Variants in ZNF660 observed in about 807,000 individuals in gnomAD.
ZNF660 encodes zinc finger protein 660.
A neutral mutation model predicts 23.2 loss-of-function variants in ZNF660; 24 were observed. That is an observed-to-expected ratio of 1.04 (90% CI 0.75 to 1.46). The LOEUF is 1.46. Among genes scored for constraint, ZNF660 ranks in the 40% most tolerant of loss-of-function variants. The probability of loss-of-function intolerance (pLI) is 0.00; values close to 1 mark genes in which losing one functional copy is unlikely to be tolerated. For synonymous variants in ZNF660, 117 were observed against 131.4 expected, an observed-to-expected ratio of 0.89 and a Z score of 0.75; for missense variants, 373 against 396.8, an observed-to-expected ratio of 0.94 and a Z score of 0.51.
At chr3:44,588,725 C>T (rs1466648410) in intron 2 of ZNF660, among the ~76,000 whole-genome samples, 1 of 152,148 alleles carries the variant, frequency 6.6e-6, no homozygotes, top group Non-Finnish European at 1.5e-5. Context: ...CCCACCTCAC[C>T]CTACCAAAGT....
Position 44,594,249 on chromosome 3 carries a change from T to C in ZNF660, c.56T>C (p.Leu19Pro). The change falls in exon 3 of 3, where the codon CTC (leucine) becomes CCC (proline). Residue 19 changes from leucine (L) to proline (P), a missense_variant. Leu to Pro is a moderately conservative substitution (Grantham distance 98). Transcript: ENST00000322734. The part of the protein sequence containing the change: ...KHKTVKDNKV[L>P]TEGSDQESEK... ...AAGACAGTTAAAGACAATAAAGTAC[T>C]CACAGAAGGGAGTGACCAAGAATCT... is the stretch of plus-strand genomic sequence containing the variant. The C allele has an allele frequency of 1.2e-6, 2 of 1,613,826 alleles. No individual in the cohort carries two copies. The highest frequency in any genetic ancestry group is 1.7e-6 in the Non-Finnish European group (2 of 1,180,016).
Position 44,599,106 on chromosome 3 carries a change from T to G in ZNF660, c.*3917T>G, listed in dbSNP as rs1234699649. On this transcript the variant is annotated 3_prime_UTR_variant, in exon 3 of 3. Transcript: ENST00000322734. ...TTGCTCATTCTTGTTATTTGGTTTCTTGTCTACTCACATTTATTCACTTAC... is the reference window on the plus strand; with the variant it reads ...TTGCTCATTCTTGTTATTTGGTTTCGTGTCTACTCACATTTATTCACTTAC... 3 of 152,222 alleles carry G rather than the reference T, an allele frequency of 2.0e-5. No homozygotes were observed. Among genetic ancestry groups the G allele is most frequent in the Non-Finnish European group, 4.4e-5 (3 of 68,042 alleles). The allele number at this position is 152,222 out of a possible 1,614,324, so 9.4% of individuals were successfully genotyped here. A position where few individuals can be genotyped will look rare whatever the true frequency, so the allele number is the denominator to read the frequency against.
In ZNF660 at chr3:44,594,334, G is replaced by C. The variant is rs1210096422; in HGVS notation, c.141G>C (p.Lys47Asn). 3.7e-6 allele frequency: 6 copies of C among 1,614,104 alleles called. No homozygotes were observed. The highest frequency in any genetic ancestry group is 1.3e-5 in the African/African-American group (1 of 74,954). Reference protein sequence around the residue: ...PATNERVQAEKRQYVCTECGK... With the variant: ...PATNERVQAENRQYVCTECGK... ...CAAATGAGAGAGTTCAGGCTGAAAA[G>C]AGACAGTATGTATGTACTGAGTGTG... The change falls in exon 3 of 3, where the codon AAG becomes AAC. Residue 47 changes from lysine to asparagine, a missense_variant. By Grantham distance (94) the Lys-to-Asn change is moderately conservative. Transcript: ENST00000322734.
rs1490641404 is a variant in ZNF660 at position 44,594,323 on chromosome 3, C to T, written c.130C>T (p.Gln44Ter). ...CCDPATNERVQAEKRQYVCTE... is the reference protein window; with the variant it reads ...CCDPATNERV Reference sequence around the variant, plus strand: ...TGACCCTGCAACAAATGAGAGAGTTCAGGCTGAAAAGAGACAGTATGTATG... The same window carrying T: ...TGACCCTGCAACAAATGAGAGAGTTTAGGCTGAAAAGAGACAGTATGTATG... Residue 44 changes from glutamine (Q) to a stop codon, truncating the protein, a stop_gained, in exon 3 of 3, where the codon CAG becomes TAG. Coordinates refer to ENST00000322734, the MANE Select transcript of ZNF660 (RefSeq NM_173658.4). LOFTEE classifies it high-confidence loss of function. The T allele has an allele frequency of 6.2e-7, 1 of 1,614,154 alleles. No individual in the cohort carries two copies. Among genetic ancestry groups the T allele is most frequent in the Non-Finnish European group, 8.5e-7 (1 of 1,180,042 alleles).
rs1471613766 is a variant in ZNF660, at chr3:44,596,559, T to C, written c.*1370T>C. On this transcript the variant is annotated 3_prime_UTR_variant, in exon 3 of 3. Transcript: ENST00000322734. ...ATTGATTGATTGCTTAAGGGGAATCTAGAGGTAAGCAGTGCTATGTTTGGT... is the reference window on the plus strand; with the variant it reads ...ATTGATTGATTGCTTAAGGGGAATCCAGAGGTAAGCAGTGCTATGTTTGGT... 6.6e-6 allele frequency: 1 copy of C among 152,228 alleles called. No homozygotes were observed. The highest frequency in any genetic ancestry group is 1.9e-4 in the East Asian group (1 of 5,202). 9.4% of individuals were successfully genotyped at this position (152,228 alleles called of 1,614,324 possible).
Position 44,594,116 on chromosome 3 carries a change from G to A in ZNF660, c.-78G>A, listed in dbSNP as rs548087844. ...AGAATTCCACAGAGACATTGCCCAG[G>A]AAGTCAAAATTTAGAAGGCTCCTCT... On this transcript the variant is annotated 5_prime_UTR_variant, in exon 3 of 3. Coordinates refer to ENST00000322734, the MANE Select transcript of ZNF660 (RefSeq NM_173658.4). The A allele has an allele frequency of 6.4e-7, 1 of 1,566,820 alleles. No individual in the cohort carries two copies. The highest frequency in any genetic ancestry group is 2.2e-5 in the East Asian group (1 of 44,496).
Position 44,594,311 on chromosome 3 carries a change from A to G in ZNF660, c.118A>G (p.Asn40Asp), listed in dbSNP as rs1700534356. The G allele has an allele frequency of 1.2e-6, 2 of 1,614,066 alleles. No individual in the cohort carries two copies. The highest frequency in any genetic ancestry group is 2.7e-5 in the African/African-American group (2 of 74,938). ...TAGTCAGTGCTGTGACCCTGCAACA[A>G]ATGAGAGAGTTCAGGCTGAAAAGAG... ...DNSQCCDPAT[N>D]ERVQAEKRQY... The change falls in exon 3 of 3, where the codon AAT becomes GAT. Residue 40 changes from asparagine (N) to aspartate (D), a missense_variant. Transcript: ENST00000322734.
intron 2 of ZNF660, among the ~76,000 whole-genome samples, chr3:44,591,674 T>C (rs1700432607): frequency 6.6e-6 from 1 of 152,194 alleles, no homozygotes; most frequent in Non-Finnish European, 1.5e-5. Flanking sequence ...GAAGATTAAA[T>C]AGCAATGTGG....
intron 2 of ZNF660, 67 bp from the exon 3 acceptor site, chr3:44,593,947 G>A (rs746410845): frequency 2.7e-5 from 16 of 596,014 alleles, no homozygotes; most frequent in Non-Finnish European, 3.5e-5. Context: ...CATCTTGTCC[G>A]TGGATAGATC....
chr3:44,592,782 G>A (rs572727716), intron 2 of ZNF660, among the ~76,000 whole-genome samples: 1 of 152,164 alleles, frequency 6.6e-6, no homozygotes, highest in Admixed American at 6.5e-5. Flanking sequence ...GGCTGGGCGC[G>A]GTGGCTAACG....
chr3:44,589,073 A>G (rs1700330002), intron 2 of ZNF660, among the ~76,000 whole-genome samples: 1 of 152,148 alleles, frequency 6.6e-6, no homozygotes. Context: ...GGGTCTTGCT[A>G]TCTTATTCAT....
Position 44,596,940 on chromosome 3 carries a change from C to T in ZNF660, c.*1751C>T, listed in dbSNP as rs1700627621. On this transcript the variant is annotated 3_prime_UTR_variant, in exon 3 of 3. Coordinates refer to ENST00000322734, the MANE Select transcript of ZNF660 (RefSeq NM_173658.4). Reference sequence around the variant, plus strand: ...TTTAAGTGCTTAGCTCAAAGTCACTCTGAAACACTTAGAATCTCCCTATTT... The same window carrying T: ...TTTAAGTGCTTAGCTCAAAGTCACTTTGAAACACTTAGAATCTCCCTATTT... 1 of 152,242 alleles carries T rather than the reference C, an allele frequency of 6.6e-6. No homozygotes were observed. Among genetic ancestry groups the T allele is most frequent in the Non-Finnish European group, 1.5e-5 (1 of 68,054 alleles). The allele number at this position is 152,242 out of a possible 1,614,324, so 9.4% of individuals were successfully genotyped here.
Position 44,596,849 on chromosome 3 carries a change from C to T in ZNF660, c.*1660C>T, listed in dbSNP as rs1441334951. The T allele has an allele frequency of 6.6e-6, 1 of 152,212 alleles. No individual in the cohort carries two copies. The highest frequency in any genetic ancestry group is 2.4e-5 in the African/African-American group (1 of 41,454). The allele number at this position is 152,212 out of a possible 1,614,324, so 9.4% of individuals were successfully genotyped here. On this transcript the variant is annotated 3_prime_UTR_variant, in exon 3 of 3. Coordinates refer to ENST00000322734, the MANE Select transcript of ZNF660 (RefSeq NM_173658.4). Reference sequence around the variant, plus strand: ...TACAACAGATGTTTTCTATCTTCCTCTGCCTTTCTTTATGACCAGTCCTCC... The same window carrying T: ...TACAACAGATGTTTTCTATCTTCCTTTGCCTTTCTTTATGACCAGTCCTCC...
rs1700633718 is a variant in ZNF660, at chr3:44,597,106, G to C, written c.*1917G>C. ...CCTCTATTATACAAGAAAATTGAGT[G>C]TCATTGAGGTTAGGTGACTGGCTAG... On this transcript the variant is annotated 3_prime_UTR_variant, in exon 3 of 3. Transcript: ENST00000322734. This position sits in a 1 kb window ranked among gnomAD's most constrained non-coding sequence, Gnocchi z 4.1. The C allele has an allele frequency of 6.6e-6, 1 of 152,208 alleles. No individual in the cohort carries two copies. Among genetic ancestry groups the C allele is most frequent in the East Asian group, 1.9e-4 (1 of 5,198 alleles). 9.4% of individuals were successfully genotyped at this position (152,208 alleles called of 1,614,324 possible).
At position 44,595,301 on chromosome 3, in the gene ZNF660, T is replaced by C; in HGVS notation, c.*112T>C. 2 of 1,237,948 alleles carry C rather than the reference T, an allele frequency of 1.6e-6. No individual in the cohort carries two copies. Among genetic ancestry groups the C allele is most frequent in the Admixed American group, 5.4e-5 (2 of 37,184 alleles). The allele number at this position is 1,237,948 out of a possible 1,614,324, so 76.7% of individuals were successfully genotyped here. On this transcript the variant is annotated 3_prime_UTR_variant, in exon 3 of 3. Transcript: ENST00000322734. ...TCATACTCTACTTCTAAGAAAATAATTAGAAGTAGACAAAGATTAATGAAA... is the reference window on the plus strand; with the variant it reads ...TCATACTCTACTTCTAAGAAAATAACTAGAAGTAGACAAAGATTAATGAAA...
At chr3:44,587,947 C>T (rs1559439500) in intron 2 of ZNF660, among the ~76,000 whole-genome samples, 1 of 151,954 alleles carries the variant, frequency 6.6e-6, no homozygotes, top group Non-Finnish European at 1.5e-5. Flanking sequence ...CCCAGCTACT[C>T]GGGAGGCTGA....
rs568076709 is a variant in ZNF660, at chr3:44,598,516, G to A, written c.*3327G>A. 1 of 152,192 alleles carries A rather than the reference G, an allele frequency of 6.6e-6. No homozygotes were observed. The highest frequency in any genetic ancestry group is 1.5e-5 in the Non-Finnish European group (1 of 68,128). 9.4% of individuals were successfully genotyped at this position (152,192 alleles called of 1,614,324 possible). A position where few individuals can be genotyped will look rare whatever the true frequency, so the allele number is the denominator to read the frequency against. The stretch of plus-strand genomic sequence containing the variant: ...AGTGTTGCTCTTGTCGCCCAGGCTG[G>A]AGTGCAATGGCGTGATATCGGCTCA... On this transcript the variant is annotated 3_prime_UTR_variant, in exon 3 of 3. Coordinates refer to ENST00000322734, the MANE Select transcript of ZNF660 (RefSeq NM_173658.4).
intron 2 of ZNF660, chr3:44,586,733 T>A (rs962672382): frequency 6.6e-6 from 1 of 152,244 alleles, no homozygotes; most frequent in South Asian, 2.1e-4. Flanking sequence ...TGGATTTGGC[T>A]CTCAGCATCC....
rs1700617286 is a variant in ZNF660, at chr3:44,596,614, C to G, written c.*1425C>G. ...CAACTCAGCACTTCATCACACTTCTCTCTTAACTCCATAATTTTCAGCATG... is the reference window on the plus strand; with the variant it reads ...CAACTCAGCACTTCATCACACTTCTGTCTTAACTCCATAATTTTCAGCATG... On this transcript the variant is annotated 3_prime_UTR_variant, in exon 3 of 3. Transcript: ENST00000322734. The G allele has an allele frequency of 6.6e-6, 1 of 152,220 alleles. No homozygotes were observed. The highest frequency in any genetic ancestry group is 2.4e-5 in the African/African-American group (1 of 41,456). The allele number at this position is 152,220 out of a possible 1,614,324, so 9.4% of individuals were successfully genotyped here. A position where few individuals can be genotyped will look rare whatever the true frequency, so the allele number is the denominator to read the frequency against.
Sources: allele counts gnomAD v4.1 joint callset (sites outside exome capture counted in the v4.1 genomes callset), GRCh38; gene constraint gnomAD v4.1.1; non-coding constraint Gnocchi (gnomAD v3.1); transcripts MANE v1.5; gene names NCBI Gene and HGNC (gene_info 2026-07-23, HGNC 2026-07-21).